The following PACS1 variants were observed in gnomAD, a reference collection of about 807,000 sequenced individuals.
PACS1 encodes phosphofurin acidic cluster sorting protein 1, also known as PACS-1.
A neutral mutation model predicts 115.0 loss-of-function variants in PACS1; 24 were observed. The ratio of observed to expected loss-of-function variants is 0.21; its 90% confidence interval spans 0.15 to 0.29. The LOEUF is 0.29. PACS1 is among the 10% of genes least tolerant of loss of function. The pLI is 1.00. For synonymous variants in PACS1, 453 were observed against 504.5 expected, an observed-to-expected ratio of 0.90 and a Z score of 1.37; for missense variants, 838 against 1,251.2, an observed-to-expected ratio of 0.67 and a Z score of 4.98.
In PACS1 at chr11:66,216,149, G is replaced by A. The variant is rs754155683; in HGVS notation, c.691G>A (p.Val231Met). 1 of 1,613,996 alleles carries A rather than the reference G, an allele frequency of 6.2e-7. No homozygotes were observed. The highest frequency in any genetic ancestry group is 2.2e-5 in the East Asian group (1 of 44,880). The part of the protein sequence containing the change: ...VMQHPNEGAL[V>M]LGLHSNVKDV... ...GCAGCATCCTAATGAAGGCGCACTG[G>A]TGCTTGGCCTACACAGCAACGTGAA... is the stretch of plus-strand genomic sequence containing the variant. Residue 231 changes from valine to methionine, a missense_variant, in exon 5 of 24, where the codon GTG (valine) becomes ATG (methionine). Physicochemically the swap from Val to Met is conservative, Grantham distance 21. Coordinates refer to ENST00000320580, the MANE Select transcript of PACS1 (RefSeq NM_018026.4).
chr11:66,084,258 G>A (rs1395762185), intron 1 of PACS1: 1 of 152,338 alleles, frequency 6.6e-6, no homozygotes, highest in African/African-American at 2.4e-5. Flanking sequence ...TATGGGATGA[G>A]GCCCCCCAGT....
chr11:66,224,401 GC>G (rs1382339747), intron 10 of PACS1, among the ~76,000 whole-genome samples: 1 of 152,166 alleles, frequency 6.6e-6, no homozygotes, highest in African/African-American at 2.4e-5. Context: ...TAAAGCTCGT[GC>G]CTCCCAAGGT....
chr11:66,176,277 T>C (rs753237371), intron 1 of PACS1, among the ~76,000 whole-genome samples: 1 of 152,190 alleles, frequency 6.6e-6, no homozygotes. Flanking sequence ...TGTTCCCATA[T>C]TTATGTACAT....
chr11:66,242,568 T>C (rs1421123196), intron 22 of PACS1, among the ~76,000 whole-genome samples: 2 of 152,192 alleles, frequency 1.3e-5, no homozygotes, highest in Non-Finnish European at 2.9e-5. Flanking sequence ...GGCTCCTGCA[T>C]AGAGCATGCG....
At chr11:66,156,200 T>A (rs1000037118) in intron 1 of PACS1, among the ~76,000 whole-genome samples, 1 of 122,908 alleles carries the variant, frequency 8.1e-6, no homozygotes, top group East Asian at 2.3e-4. Flanking sequence ...TTTCATTTTT[T>A]AAATTATATA....
At chr11:66,098,787 T>C (rs1012203898) in intron 1 of PACS1, among the ~76,000 whole-genome samples, 10 of 152,190 alleles carry the variant, frequency 6.6e-5, no homozygotes, top group African/African-American at 2.2e-4. Flanking sequence ...CCGTTAGATA[T>C]CCTGTAGGGT....
chr11:66,178,111 T>C (rs955088087), intron 1 of PACS1, among the ~76,000 whole-genome samples: 2 of 152,172 alleles, frequency 1.3e-5, no homozygotes, highest in African/African-American at 4.8e-5. Context: ...ATATTTAGTA[T>C]ATATATCATG....
intron 1 of PACS1, among the ~76,000 whole-genome samples, chr11:66,136,222 C>T (rs1422001872): frequency 6.6e-6 from 1 of 150,798 alleles, no homozygotes; most frequent in Non-Finnish European, 1.5e-5. Context: ...GTTTGGGGAG[C>T]CCAGGAGAGG....
intron 20 of PACS1, 72 bp from the exon 21 acceptor site, chr11:66,239,070 C>A: frequency 6.2e-7 from 1 of 1,602,748 alleles, no homozygotes; most frequent in Non-Finnish European, 8.5e-7. Flanking sequence ...GGAGGAACCC[C>A]GGCTCCTTGC....
intron 4 of PACS1, among the ~76,000 whole-genome samples, chr11:66,214,935 C>G (rs1227308619): frequency 3.3e-5 from 5 of 151,244 alleles, no homozygotes; most frequent in African/African-American, 1.2e-4. Context: ...CAACCATTTT[C>G]TTTTCTTTTC....
chr11:66,121,089 T>C (rs1309045372), intron 1 of PACS1: 1 of 456,242 alleles, frequency 2.2e-6, no homozygotes, highest in Admixed American at 2.3e-5. Flanking sequence ...GGCACTGTTT[T>C]TCTAATAGCA....
intron 21 of PACS1, 22 bp downstream of exon 21, chr11:66,239,299 G>A (rs1038149700): frequency 3.8e-6 from 6 of 1,597,186 alleles, no homozygotes; most frequent in Non-Finnish European, 4.3e-6. Context: ...GCCCGTACCT[G>A]TCCTGCCATG....
intron 1 of PACS1, among the ~76,000 whole-genome samples, chr11:66,108,040 G>A (rs143632427): frequency 3.0e-4 from 45 of 152,274 alleles, no homozygotes; most frequent in African/African-American, 1.1e-3. Flanking sequence ...CTGCCAACAA[G>A]GCCAAGAGAA....
rs1855814125 is a variant in PACS1, at chr11:66,241,502, G to A, written c.2505G>A (p.Arg835=). The part of the protein sequence containing the change: ...DYWLGHPGER[R]REGDKRDASS... ...GGCTGGGCCACCCCGGGGAGCGGAG[G>A]AGGGAAGGCGACAAGAGGGACGCCA... Residue 835 remains arginine (R), a synonymous_variant, in exon 22 of 24, where the codon AGG becomes AGA. Coordinates refer to ENST00000320580, the MANE Select transcript of PACS1 (RefSeq NM_018026.4). The A allele has an allele frequency of 1.9e-6, 3 of 1,613,838 alleles. No individual in the cohort carries two copies. Among genetic ancestry groups the A allele is most frequent in the African/African-American group, 1.3e-5 (1 of 74,956 alleles).
At chr11:66,088,788 G>T (rs1389804758) in intron 1 of PACS1, among the ~76,000 whole-genome samples, 1 of 152,062 alleles carries the variant, frequency 6.6e-6, no homozygotes, top group Non-Finnish European at 1.5e-5. Flanking sequence ...AACTTCTCTT[G>T]GGGGAGAAAT....
intron 1 of PACS1, among the ~76,000 whole-genome samples, chr11:66,147,957 T>C (rs1859162396): frequency 6.6e-6 from 1 of 152,034 alleles, no homozygotes; most frequent in East Asian, 1.9e-4. Flanking sequence ...CCTATAAATA[T>C]ATACACCTTC....
At chr11:66,162,602 G>T (rs1859517880) in intron 1 of PACS1, among the ~76,000 whole-genome samples, 1 of 152,186 alleles carries the variant, frequency 6.6e-6, no homozygotes, top group African/African-American at 2.4e-5. Flanking sequence ...AGGCCGCACA[G>T]CCCTGCCTAC....
rs929715336 is a variant in PACS1 at position 66,236,986 on chromosome 11, T to A, written c.2250+1046T>A. 6.6e-6 allele frequency among the ~76,000 whole-genome samples: 1 copy of A among 152,196 alleles called. No individual in the cohort carries two copies. The highest frequency in any genetic ancestry group is 1.5e-5 in the Non-Finnish European group (1 of 68,034). On this transcript the variant is annotated intron_variant, in intron 19 of 23. Transcript: ENST00000320580. This position sits in a 1 kb window ranked among gnomAD's most constrained non-coding sequence, Gnocchi z 4.2. ...CAGGCGGGAGTGCAGTGGCGCGATC[T>A]CGACTCACTGCAACCTCCGCCTCCC...
At chr11:66,141,108 GTTTTC>G (rs748195296) in intron 1 of PACS1, among the ~76,000 whole-genome samples, 8 of 152,046 alleles carry the variant, frequency 5.3e-5, no homozygotes, top group East Asian at 1.9e-4. Flanking sequence ...TACACATTTT[GTTTTC>G]TTTTATTCAG....
Sources: allele counts gnomAD v4.1 joint callset (sites outside exome capture counted in the v4.1 genomes callset), GRCh38; gene constraint gnomAD v4.1.1; non-coding constraint Gnocchi (gnomAD v3.1); transcripts MANE v1.5; gene names NCBI Gene and HGNC (gene_info 2026-07-23, HGNC 2026-07-21).